MYO10: variants seen among roughly 807,000 people sequenced by gnomAD.
MYO10 encodes the protein unconventional myosin-X.
MYO10 carries 133 observed loss-of-function variants against 257.3 expected under a neutral mutation model. The observed-to-expected ratio is 0.52, with a 90% CI of 0.45 to 0.60. The LOEUF (loss-of-function observed/expected upper bound fraction) is 0.60, where lower values mean the gene tolerates loss of function less well. Among genes scored for constraint, MYO10 ranks in the 20% least tolerant of loss-of-function variants. The probability of loss-of-function intolerance (pLI) is 0.00; values close to 1 mark genes in which losing one functional copy is unlikely to be tolerated. For missense variants in MYO10, 2,399 were observed against 2,635.7 expected (o/e 0.91, Z 1.97); for synonymous variants, 1,104 against 1,028.6 (o/e 1.07, Z -1.40).
chr5:16,711,340 C>G, intron 19 of MYO10, 95 bp from the exon 20 acceptor site: 1 of 1,304,238 alleles, frequency 7.7e-7, no homozygotes, highest in Non-Finnish European at 1.1e-6. Flanking sequence ...TTGGTTTACC[C>G]CGCTTCAAAA....
At chr5:16,875,033 T>C (rs909551085) in intron 2 of MYO10, among the ~76,000 whole-genome samples, 1 of 152,114 alleles carries the variant, frequency 6.6e-6, no homozygotes, top group Non-Finnish European at 1.5e-5. Flanking sequence ...TGAGACTTAT[T>C]TGCTATCACA....
intron 19 of MYO10, among the ~76,000 whole-genome samples, chr5:16,718,389 T>A (rs1738991529): frequency 6.6e-6 from 1 of 152,238 alleles, no homozygotes; most frequent in African/African-American, 2.4e-5. Flanking sequence ...TGGTGCGGGA[T>A]CCACTAGGTG....
At chr5:16,776,763 A>G (rs980850219) in intron 9 of MYO10, among the ~76,000 whole-genome samples, 3 of 152,230 alleles carry the variant, frequency 2.0e-5, no homozygotes, top group African/African-American at 7.2e-5. Context: ...GAGAACACAG[A>G]GTACCAACGG....
At chr5:16,891,718 T>C (rs1455562036) in intron 1 of MYO10, among the ~76,000 whole-genome samples, 1 of 152,156 alleles carries the variant, frequency 6.6e-6, no homozygotes, top group Non-Finnish European at 1.5e-5. Context: ...ATTCACTCCC[T>C]GGAATCCGTT....
At chr5:16,742,858 C>T (rs966735587) in intron 19 of MYO10, among the ~76,000 whole-genome samples, 5 of 151,668 alleles carry the variant, frequency 3.3e-5, no homozygotes, top group African/African-American at 7.3e-5. Flanking sequence ...TGATGGCTCA[C>T]GCCTGTAATC....
chr5:16,805,969 A>T (rs1416182995), intron 3 of MYO10, among the ~76,000 whole-genome samples: 2 of 152,188 alleles, frequency 1.3e-5, no homozygotes, highest in East Asian at 3.8e-4. Flanking sequence ...CAAAAAATCA[A>T]GTATCATTTG....
At chr5:16,785,607 C>A (rs190615442) in intron 4 of MYO10, among the ~76,000 whole-genome samples, 1 of 152,188 alleles carries the variant, frequency 6.6e-6, no homozygotes, top group African/African-American at 2.4e-5. Context: ...CTGTGGCTTG[C>A]GCCTGTAATC....
In MYO10 at chr5:16,704,646, G is replaced by A. The variant is rs751653949; in HGVS notation, c.2209C>T (p.Arg737Trp). Residue 737 changes from arginine (R) to tryptophan (W), a missense_variant, in exon 22 of 41, where the codon CGG becomes TGG. Coordinates refer to ENST00000513610, the MANE Select transcript of MYO10 (RefSeq NM_012334.3). ...RESLEQKLEK[R>W]REEEVSHAAM... ...GCGTGGCTCACTTCCTCTTCCCTCC[G>A]CTTCTCCAGTTTCTGTTCCAAGGAT... The A allele has an allele frequency of 1.5e-5, 25 of 1,613,850 alleles. No individual in the cohort carries two copies. The highest frequency in any genetic ancestry group is 3.3e-5 in the South Asian group (3 of 91,056).
intron 2 of MYO10, among the ~76,000 whole-genome samples, chr5:16,846,776 AG>A (rs1346634869): frequency 2.6e-5 from 4 of 152,246 alleles, no homozygotes; most frequent in Non-Finnish European, 4.4e-5. Flanking sequence ...CAACCTAGAA[AG>A]GTAAGTATTG....
intron 3 of MYO10, among the ~76,000 whole-genome samples, chr5:16,817,047 A>G (rs7723195): frequency 0.47 from 71,164 of 149,912 alleles, 17,081 homozygotes; most frequent in Middle Eastern, 0.59. Flanking sequence ...CTCAAACTCC[A>G]GACCTCGTGA....
intron 19 of MYO10, among the ~76,000 whole-genome samples, chr5:16,743,160 G>A: frequency 6.6e-6 from 1 of 152,112 alleles, no homozygotes; most frequent in East Asian, 1.9e-4. Context: ...TGTCAACGAG[G>A]TGCTTTCCAG....
rs1223133559 is a variant in MYO10, at chr5:16,664,141, T to C, written c.*2551A>G. 6.6e-6 allele frequency: 1 copy of C among 152,156 alleles called. No individual in the cohort carries two copies. Among genetic ancestry groups the C allele is most frequent in the Non-Finnish European group, 1.5e-5 (1 of 68,052 alleles). The allele number at this position is 152,156 out of a possible 1,614,324, so 9.4% of individuals were successfully genotyped here. A position where few individuals can be genotyped will look rare whatever the true frequency, so the allele number is the denominator to read the frequency against. On this transcript the variant is annotated 3_prime_UTR_variant, in exon 41 of 41. Transcript: ENST00000513610. The stretch of plus-strand genomic sequence containing the variant: ...CACGCAGGCCTCCCTGTACGTTCTG[T>C]TGCAACTTTCTCTGAGTCTGTAATT...
At chr5:16,796,211 CAGAG>C (rs1741944179) in intron 3 of MYO10, among the ~76,000 whole-genome samples, 1 of 110,974 alleles carries the variant, frequency 9.0e-6, no homozygotes, top group African/African-American at 3.6e-5. Context: ...AAAGAAAGAA[CAGAG>C]AGAGAGCGAG....
intron 2 of MYO10, among the ~76,000 whole-genome samples, chr5:16,827,659 T>C (rs1561005967): frequency 6.6e-6 from 1 of 152,200 alleles, no homozygotes. Context: ...ACACAAAGAT[T>C]GTTAGTTTCT....
chr5:16,724,432 T>A (rs1739273869), intron 19 of MYO10, among the ~76,000 whole-genome samples: 1 of 152,166 alleles, frequency 6.6e-6, no homozygotes, highest in Non-Finnish European at 1.5e-5. Flanking sequence ...TTTACTGTCA[T>A]GAAAACAGCA....
At chr5:16,930,459 T>C (rs1371106997) in intron 1 of MYO10, among the ~76,000 whole-genome samples, 11 of 152,120 alleles carry the variant, frequency 7.2e-5, no homozygotes, top group African/African-American at 2.7e-4. Context: ...GTTCTGGAAA[T>C]ACAAAATCTG....
chr5:16,926,555 A>T (rs1746137717), intron 1 of MYO10, among the ~76,000 whole-genome samples: 1 of 152,164 alleles, frequency 6.6e-6, no homozygotes, highest in Admixed American at 6.5e-5. Context: ...TACAAAAATT[A>T]GCCAGGCATG....
rs370980786 is a variant in MYO10, at chr5:16,694,543, T to C, written c.3628A>G (p.Lys1210Glu). The stretch of plus-strand genomic sequence containing the variant: ...CAGCCTTGCTTGAGGGCCTCCTGCT[T>C]GGAGCGGAACCACAAGAAGGTTTCA... ...KDETFLWFRS[K>E]QEALKQGWLH... is the part of the protein sequence containing the mutation. The change falls in exon 27 of 41, where the codon AAG (lysine) becomes GAG (glutamate). Residue 1210 changes from lysine (K) to glutamate (E), a missense_variant. By Grantham distance (56) the Lys-to-Glu change is moderately conservative. Around this residue, in one of 3 missense-constraint regions of MYO10, gnomAD observed 1,820 missense variants for 1,939.4 expected, o/e 0.94. Transcript: ENST00000513610. 1 of 1,613,882 alleles carries C rather than the reference T, an allele frequency of 6.2e-7. No individual in the cohort carries two copies. The highest frequency in any genetic ancestry group is 1.3e-5 in the African/African-American group (1 of 74,934).
chr5:16,821,184 T>C (rs988927460), intron 2 of MYO10, among the ~76,000 whole-genome samples: 6 of 148,620 alleles, frequency 4.0e-5, no homozygotes, highest in Non-Finnish European at 7.4e-5. Context: ...AATGACTTAA[T>C]GTTTACATCC....
Sources: allele counts gnomAD v4.1 joint callset (sites outside exome capture counted in the v4.1 genomes callset), GRCh38; gene constraint gnomAD v4.1.1; regional missense constraint gnomAD v4.1.1; transcripts MANE v1.5; gene names NCBI Gene and HGNC (gene_info 2026-07-23, HGNC 2026-07-21).